The following RIMS1 variants were observed in gnomAD, a reference collection of about 807,000 sequenced individuals.
RIMS1 encodes the protein regulating synaptic membrane exocytosis protein 1.
Under a neutral mutation model 214.1 loss-of-function variants are expected in RIMS1, and 83 were observed. That is an observed-to-expected ratio of 0.39 (90% CI 0.32 to 0.47). RIMS1 has a LOEUF of 0.47. RIMS1 is among the 20% of genes least tolerant of loss of function. RIMS1 has a pLI of 0.99. For synonymous variants in RIMS1, 793 were observed against 786.8 expected (o/e 1.01, Z -0.13); for missense variants, 2,050 against 2,161.8 (o/e 0.95, Z 1.03).
chr6:72,137,148 A>G (rs1436020235), intron 4 of RIMS1, among the ~76,000 whole-genome samples: 1 of 152,172 alleles, frequency 6.6e-6, no homozygotes, highest in Non-Finnish European at 1.5e-5. Flanking sequence ...GAAAAATCCC[A>G]TATGTATATC....
chr6:71,889,875 A>G (rs1387589731), intron 1 of RIMS1, among the ~76,000 whole-genome samples: 2 of 152,236 alleles, frequency 1.3e-5, no homozygotes, highest in African/African-American at 4.8e-5. Context: ...ATAATCACAC[A>G]TCTGAGAAAT....
At chr6:71,950,264 G>C (rs1789049617) in intron 1 of RIMS1, among the ~76,000 whole-genome samples, 1 of 152,102 alleles carries the variant, frequency 6.6e-6, no homozygotes, top group Non-Finnish European at 1.5e-5. Context: ...GGTGATACAA[G>C]TGTTCTTGTT....
At position 71,916,393 on chromosome 6, in the gene RIMS1, T is replaced by C. The variant is rs577031291; in HGVS notation, c.164+29206T>C. 2.4e-4 allele frequency among the ~76,000 whole-genome samples: 36 copies of C among 152,136 alleles called. 1 individual carries two copies. The highest frequency in any genetic ancestry group is 2.0e-3 in the Admixed American group (30 of 15,250). On this transcript the variant is annotated intron_variant, in intron 1 of 33. Transcript: ENST00000521978. Reference sequence around the variant, plus strand: ...TGTTACAGAGTATTTTCTCACAGACTCCATAGCTGAAATCATTGTCCTACG... The same window carrying C: ...TGTTACAGAGTATTTTCTCACAGACCCCATAGCTGAAATCATTGTCCTACG...
chr6:72,111,713 G>A (rs752576621), intron 4 of RIMS1, among the ~76,000 whole-genome samples: 5 of 152,128 alleles, frequency 3.3e-5, no homozygotes, highest in African/African-American at 4.8e-5. Flanking sequence ...AAGATGCAAC[G>A]AGTAGGATGC....
At chr6:71,947,549 G>C (rs1788240381) in intron 1 of RIMS1, among the ~76,000 whole-genome samples, 1 of 152,094 alleles carries the variant, frequency 6.6e-6, no homozygotes, top group Admixed American at 6.5e-5. Context: ...TGGGGTGAGT[G>C]AGAGGATTGG....
intron 2 of RIMS1, among the ~76,000 whole-genome samples, chr6:72,094,541 A>AAACTGCT (rs1381409867): frequency 6.6e-6 from 1 of 152,230 alleles, no homozygotes. Context: ...AGGAATTGAC[A>AAACTGCT]AACTGCTGTA....
At chr6:71,968,878 A>G (rs1795122084) in intron 1 of RIMS1, 105 bp from the exon 2 acceptor site, 2 of 1,188,046 alleles carry the variant, frequency 1.7e-6, no homozygotes, top group East Asian at 4.8e-5. Flanking sequence ...AGGGGCTTTC[A>G]AAGACTTTCC....
chr6:72,324,766 G>A (rs978035932), intron 28 of RIMS1, among the ~76,000 whole-genome samples: 11 of 151,594 alleles, frequency 7.3e-5, no homozygotes, highest in African/African-American at 2.4e-4. Context: ...GTGAATAAAG[G>A]TTTACTGGAA....
intron 2 of RIMS1, among the ~76,000 whole-genome samples, chr6:72,092,195 C>T (rs1354364325): frequency 6.6e-6 from 1 of 152,066 alleles, no homozygotes; most frequent in Non-Finnish European, 1.5e-5. Flanking sequence ...TTTAATAGAA[C>T]AGTGCAGGTT....
At chr6:72,020,391 A>T (rs1312063332) in intron 2 of RIMS1, among the ~76,000 whole-genome samples, 1 of 152,188 alleles carries the variant, frequency 6.6e-6, no homozygotes, top group Non-Finnish European at 1.5e-5. Flanking sequence ...TTGTAAAAAC[A>T]TCTTCACTTG....
intron 6 of RIMS1, among the ~76,000 whole-genome samples, chr6:72,202,989 TTTTA>T (rs2052291714): frequency 6.6e-6 from 1 of 152,138 alleles, no homozygotes; most frequent in Non-Finnish European, 1.5e-5. Flanking sequence ...TTCTTTCTTT[TTTTA>T]TTTTTTATTT....
At chr6:72,148,624 G>A (rs1384230920) in intron 4 of RIMS1, 1 of 456,654 alleles carries the variant, frequency 2.2e-6, no homozygotes, top group African/African-American at 2.0e-5. Context: ...ATGAAGTGGG[G>A]AGCCCAGTCA....
At chr6:72,262,852 A>G in intron 19 of RIMS1, 1 of 667,774 alleles carries the variant, frequency 1.5e-6, no homozygotes, top group Non-Finnish European at 1.8e-6. Context: ...AAATCTGAGG[A>G]TTTACTAGTC....
At chr6:72,280,909 A>G (rs953198151) in intron 23 of RIMS1, among the ~76,000 whole-genome samples, 5 of 152,168 alleles carry the variant, frequency 3.3e-5, no homozygotes, top group African/African-American at 7.2e-5. Flanking sequence ...TACAAATACT[A>G]CAATACTGAG....
intron 4 of RIMS1, among the ~76,000 whole-genome samples, chr6:72,117,116 T>C (rs547024523): frequency 1.3e-5 from 2 of 152,000 alleles, no homozygotes; most frequent in Non-Finnish European, 2.9e-5. Context: ...TATACAAATC[T>C]TCTGAGGTGC....
At chr6:71,954,587 G>A (rs1422637694) in intron 1 of RIMS1, among the ~76,000 whole-genome samples, 3 of 152,040 alleles carry the variant, frequency 2.0e-5, no homozygotes, top group Admixed American at 6.6e-5. Context: ...GTTGTTTATT[G>A]GAGTGATTGC....
chr6:72,042,300 G>A (rs1179832057), intron 2 of RIMS1, among the ~76,000 whole-genome samples: 1 of 151,758 alleles, frequency 6.6e-6, no homozygotes, highest in Non-Finnish European at 1.5e-5. Context: ...TATGGAGAAA[G>A]GCTATGGCAA....
intron 2 of RIMS1, among the ~76,000 whole-genome samples, chr6:72,001,440 C>A (rs764614534): frequency 6.6e-6 from 1 of 152,016 alleles, no homozygotes; most frequent in Non-Finnish European, 1.5e-5. Context: ...GACATGTTAC[C>A]ATTTTAGAAC....
chr6:72,362,520 G>A (rs183343608), intron 29 of RIMS1, among the ~76,000 whole-genome samples: 31 of 152,210 alleles, frequency 2.0e-4, no homozygotes, highest in African/African-American at 7.0e-4. Context: ...ATACTTATGT[G>A]TAATGAGGGG....
Sources: gnomAD v4.1 joint callset for allele counts (sites outside exome capture counted in the v4.1 genomes callset) on GRCh38, gnomAD v4.1.1 for gene constraint, MANE v1.5 for transcripts, NCBI Gene and HGNC (gene_info 2026-07-23, HGNC 2026-07-21) for gene names.